DSE: variants seen among roughly 807,000 people sequenced by gnomAD.
The protein encoded by DSE is dermatan-sulfate epimerase.
DSE carries 36 observed loss-of-function variants against 84.4 expected under a neutral mutation model. The ratio of observed to expected loss-of-function variants is 0.43; its 90% CI spans 0.33 to 0.56. The LOEUF is 0.56. Among genes scored for constraint, DSE ranks in the 20% least tolerant of loss-of-function variants. The pLI, the probability that DSE is intolerant of heterozygous loss-of-function variation, is 0.06. For missense variants in DSE, 862 were observed against 1,169.6 expected (o/e 0.74, Z 3.84); for synonymous variants, 410 against 430.1 (o/e 0.95, Z 0.58).
chr6:116,380,459 G>A (rs75635061), intron 1 of DSE, among the ~76,000 whole-genome samples: 7,159 of 151,914 alleles, frequency 0.047, 521 homozygotes, highest in African/African-American at 0.16. Context: ...GAATGAATTG[G>A]GTCTCAGAGG....
chr6:116,432,308 T>C (rs1364712427), intron 4 of DSE, among the ~76,000 whole-genome samples: 17 of 152,228 alleles, frequency 1.1e-4, no homozygotes. Context: ...AAAGACAGTA[T>C]GAACATGTCT....
chr6:116,278,393 CAG>C (rs557758312), intron 2 of DSE: 27 of 1,265,328 alleles, frequency 2.1e-5, no homozygotes, highest in South Asian at 1.0e-4. Context: ...CCAAAGGAAA[CAG>C]GGTGCAGAAA....
At chr6:116,266,632 T>C (rs1435756157) in intron 2 of DSE, among the ~76,000 whole-genome samples, 1 of 152,348 alleles carries the variant, frequency 6.6e-6, no homozygotes, top group South Asian at 2.1e-4. Context: ...ATGAGTGATA[T>C]ATGATAAAAC....
At chr6:116,259,621 G>C (rs572368297) in intron 2 of DSE, among the ~76,000 whole-genome samples, 2 of 152,120 alleles carry the variant, frequency 1.3e-5, no homozygotes, top group South Asian at 2.1e-4. Flanking sequence ...TAGTACCTAT[G>C]AGTTATTTTT....
At chr6:116,274,973 A>G (rs1262478897) in intron 2 of DSE, among the ~76,000 whole-genome samples, 3 of 152,236 alleles carry the variant, frequency 2.0e-5, no homozygotes, top group Non-Finnish European at 4.4e-5. Flanking sequence ...CACATTAAAC[A>G]ATGGCAAAAT....
At chr6:116,347,483 A>T (rs1370474580) in intron 2 of DSE, among the ~76,000 whole-genome samples, 1 of 152,094 alleles carries the variant, frequency 6.6e-6, no homozygotes, top group Non-Finnish European at 1.5e-5. Flanking sequence ...CTCAGAAATA[A>T]TACCACACAT....
chr6:116,398,790 T>C lies in DSE; in HGVS notation c.-53-408T>C, dbSNP rs115759114. On this transcript the variant is annotated intron_variant, in intron 1 of 5. Transcript: ENST00000644252. ...TAAGAAATACAGGATTTTCTGGTTT[T>C]TTGTAATGTCTACTCAGATTCCCAG... 9.2e-3 allele frequency among the ~76,000 whole-genome samples: 1,398 copies of C among 152,342 alleles called. 23 individuals are homozygous for C. The highest frequency in any genetic ancestry group is 0.032 in the African/African-American group (1,347 of 41,560).
intron 2 of DSE, among the ~76,000 whole-genome samples, chr6:116,415,822 C>A (rs1405974415): frequency 6.6e-6 from 1 of 152,046 alleles, no homozygotes; most frequent in Non-Finnish European, 1.5e-5. Flanking sequence ...CTCTTTTGTC[C>A]TATTATGGGA....
intron 2 of DSE, among the ~76,000 whole-genome samples, chr6:116,315,947 A>C (rs772490647): frequency 1.1e-4 from 17 of 152,036 alleles, no homozygotes; most frequent in Non-Finnish European, 1.2e-4. Context: ...CAAAGATCGC[A>C]CCACTGCACT....
chr6:116,270,917 A>G (rs1772851417), intron 2 of DSE, among the ~76,000 whole-genome samples: 1 of 152,168 alleles, frequency 6.6e-6, no homozygotes, highest in South Asian at 2.1e-4. Context: ...CTATTTCCCT[A>G]TCCATTAAAT....
intron 2 of DSE, among the ~76,000 whole-genome samples, chr6:116,345,167 T>C (rs1777871893): frequency 6.6e-6 from 1 of 152,116 alleles, no homozygotes; most frequent in Non-Finnish European, 1.5e-5. Flanking sequence ...ACAATAATAA[T>C]GGGAGACTTC....
chr6:116,295,507 T>C (rs1253287519), intron 2 of DSE, among the ~76,000 whole-genome samples: 2 of 152,156 alleles, frequency 1.3e-5, no homozygotes, highest in African/African-American at 4.8e-5. Flanking sequence ...ACAACTATAC[T>C]AGCCCACATG....
intron 2 of DSE, among the ~76,000 whole-genome samples, chr6:116,345,330 G>A (rs573678409): frequency 2.0e-5 from 3 of 152,176 alleles, no homozygotes; most frequent in South Asian, 2.1e-4. Flanking sequence ...TCTCAGCACC[G>A]TATTGCACTT....
intron 2 of DSE, among the ~76,000 whole-genome samples, chr6:116,426,189 A>C (rs936627833): frequency 3.3e-5 from 5 of 152,212 alleles, no homozygotes; most frequent in Non-Finnish European, 7.3e-5. Flanking sequence ...AACTGAGAGC[A>C]TCTTATTCAA....
chr6:116,275,798 C>CAA (rs386408358), intron 2 of DSE, among the ~76,000 whole-genome samples: 22,466 of 105,236 alleles, frequency 0.21, 2,223 homozygotes, highest in African/African-American at 0.28. Flanking sequence ...GACTCTATCT[C>CAA]AAAAAAAAAA....
chr6:116,353,851 G>A (rs1778448118), intron 2 of DSE, among the ~76,000 whole-genome samples: 1 of 152,112 alleles, frequency 6.6e-6, no homozygotes, highest in Non-Finnish European at 1.5e-5. Context: ...AATGGCTGAT[G>A]TAAAACAATT....
chr6:116,342,405 C>T (rs561177634), intron 2 of DSE, among the ~76,000 whole-genome samples: 1 of 151,872 alleles, frequency 6.6e-6, no homozygotes, highest in South Asian at 2.1e-4. Context: ...CCTCAGTCTC[C>T]TGAGTAGCTG....
Position 116,377,980 on chromosome 6 carries a change from T to TGG in DSE, c.-54+6863_-54+6864dup, listed in dbSNP as rs1377318043. Reference sequence around the variant, plus strand: ...ATGATATCATTCCAGGTGGTATGAATGGGGGCAGGCTCACCAACCCCATGG... The same window carrying TGG: ...ATGATATCATTCCAGGTGGTATGAATGGGGGGGCAGGCTCACCAACCCCATGG... On this transcript the variant is annotated intron_variant, in intron 1 of 5. Transcript: ENST00000644252. Among the ~76,000 whole-genome samples the TGG allele has an allele frequency of 1.3e-5, 2 of 152,094 alleles. 1 individual carries two copies. Among genetic ancestry groups the TGG allele is most frequent in the Non-Finnish European group, 2.9e-5 (2 of 68,002 alleles).
In DSE at chr6:116,443,376, T is replaced by A. The variant is rs745658402; in HGVS notation, c.*6031T>A. 6.6e-6 allele frequency: 1 copy of A among 152,206 alleles called. No homozygotes were observed. Among genetic ancestry groups the A allele is most frequent in the African/African-American group, 2.4e-5 (1 of 41,442 alleles). 9.4% of individuals were successfully genotyped at this position (152,206 alleles called of 1,614,324 possible). On this transcript the variant is annotated 3_prime_UTR_variant, in exon 6 of 6. Coordinates refer to ENST00000644252, the MANE Select transcript of DSE (RefSeq NM_013352.4). Reference sequence around the variant, plus strand: ...CTATCCCTTAATAAGCCCAGGAAATTGTTCAAATATTTCTGCCATTTGTGT... The same window carrying A: ...CTATCCCTTAATAAGCCCAGGAAATAGTTCAAATATTTCTGCCATTTGTGT...
Sources: gnomAD v4.1 joint callset for allele counts (sites outside exome capture counted in the v4.1 genomes callset) on GRCh38, gnomAD v4.1.1 for gene constraint, MANE v1.5 for transcripts, NCBI Gene and HGNC (gene_info 2026-07-23, HGNC 2026-07-21) for gene names.